MAN2C1: variants seen among roughly 807,000 people sequenced by gnomAD.
The protein encoded by MAN2C1 is mannosidase alpha class 2C member 1, also known as alpha-mannosidase 2C1.
In MAN2C1, 111 loss-of-function variants were observed where a neutral mutation model predicts 126.9. The ratio of observed to expected loss-of-function variants is 0.87; its 90% CI spans 0.75 to 1.02. The LOEUF (loss-of-function observed/expected upper bound fraction) is 1.02, where lower values mean the gene tolerates loss of function less well. Ranked by LOEUF, MAN2C1 falls within the 50% of genes least tolerant of loss-of-function variation. The pLI, the probability that MAN2C1 is intolerant of heterozygous loss-of-function variation, is 0.00. For missense variants in MAN2C1, 1,363 were observed against 1,364.4 expected (o/e 1.00, Z 0.02); for synonymous variants, 567 against 561.5 (o/e 1.01, Z -0.14).
In MAN2C1 at chr15:75,359,779, A is replaced by T. The variant is rs763135456; in HGVS notation, c.1793-4T>A. The T allele has an allele frequency of 1.9e-6, 3 of 1,613,718 alleles. No individual in the cohort carries two copies. The highest frequency in any genetic ancestry group is 2.5e-6 in the Non-Finnish European group (3 of 1,179,960). On this transcript the variant is annotated splice_polypyrimidine_tract_variant and splice_region_variant and intron_variant, in intron 15 of 25. Coordinates refer to ENST00000267978, the MANE Select transcript of MAN2C1 (RefSeq NM_006715.4). ...GTATTGCCATGGGAACGGATGTCTG[A>T]GGAAAGACTGGCTGGTCATAGGTGG...
At position 75,359,390 on chromosome 15, in the gene MAN2C1, C is replaced by G. The variant is rs1193020791; in HGVS notation, c.1984G>C (p.Val662Leu). Reference protein sequence around the residue: ...VTVPSMGYAPVPPPTSLQPLL... With the variant: ...VTVPSMGYAPLPPPTSLQPLL... ...GGCTGCAGTGAGGTGGGGGGAGGAA[C>G]AGGAGCATAGCCCATGCTGGGCACT... is the stretch of plus-strand genomic sequence containing the variant. The change falls in exon 17 of 26, where the codon GTT (valine) becomes CTT (leucine). Residue 662 changes from valine to leucine, a missense_variant. By Grantham distance (32) the Val-to-Leu change is conservative. Transcript: ENST00000267978. The G allele has an allele frequency of 6.2e-7, 1 of 1,609,464 alleles. No homozygotes were observed. The highest frequency in any genetic ancestry group is 1.7e-5 in the Admixed American group (1 of 59,672).
At position 75,360,974 on chromosome 15, in the gene MAN2C1, T is replaced by C. The variant is rs2072454946; in HGVS notation, c.1460+72A>G. 2.6e-6 allele frequency: 4 copies of C among 1,528,410 alleles called. No homozygotes were observed. In the East Asian group the frequency reaches 9.6e-5, roughly 37 times the overall value. 94.7% of individuals were successfully genotyped at this position (1,528,410 alleles called of 1,614,324 possible). ...GGTCCAGAGGAGGGGTTGGGCCCAA[T>C]GTCTGAGGGAAGGCAGGGCTCATGG... On this transcript the variant is annotated intron_variant, in intron 12 of 25. Coordinates refer to ENST00000267978, the MANE Select transcript of MAN2C1 (RefSeq NM_006715.4).
At chr15:75,359,820 T>C (rs2072429961) in intron 15 of MAN2C1, 45 bp from the exon 16 acceptor site, 3 of 1,613,074 alleles carry the variant, frequency 1.9e-6, no homozygotes, top group African/African-American at 1.3e-5. Context: ...AGGTCTGGAA[T>C]GTGCCCATGG....
rs1361429756 is a variant in MAN2C1, at chr15:75,358,071, T to C, written c.2547+130A>G. 3 of 1,155,026 alleles carry C rather than the reference T, an allele frequency of 2.6e-6. No homozygotes were observed. The African/African-American group carries it at 4.6e-5, about 18-fold the overall frequency. 71.5% of individuals were successfully genotyped at this position (1,155,026 alleles called of 1,614,324 possible). ...TGCCTTGCCAATGTAAAGCATTTAG[T>C]GCAATGCCTGGCACACACGTTAGGA... On this transcript the variant is annotated intron_variant, in intron 21 of 25. Transcript: ENST00000267978.
At chr15:75,364,753 T>A in intron 4 of MAN2C1, 88 bp from the exon 5 acceptor site, 3 of 1,226,464 alleles carry the variant, frequency 2.4e-6, no homozygotes, top group Non-Finnish European at 3.3e-6. Context: ...GGCATCCAGC[T>A]GAGCCCAACC....
chr15:75,368,404 C>T (rs560141376), intron 1 of MAN2C1, 79 bp downstream of exon 1: 2 of 1,469,878 alleles, frequency 1.4e-6, no homozygotes, highest in South Asian at 2.5e-5. Flanking sequence ...CGGGTGGCTG[C>T]AGCTTAGGTT....
chr15:75,360,094 A>T lies in MAN2C1; in HGVS notation c.1702T>A (p.Trp568Arg). 6.2e-7 allele frequency: 1 copy of T among 1,614,036 alleles called. No homozygotes were observed. Among genetic ancestry groups the T allele is most frequent in the Non-Finnish European group, 8.5e-7 (1 of 1,180,006 alleles). ...CAGGGACAGAACTGGGCTGACCTCCAGAGGTGCTGCAGCTGGGCTGCTGGG... is the reference window on the plus strand; with the variant it reads ...CAGGGACAGAACTGGGCTGACCTCCTGAGGTGCTGCAGCTGGGCTGCTGGG... ...LYPAAQLQHL[W>R]RLLLLNQFHD... is the part of the protein sequence containing the mutation. Residue 568 changes from tryptophan to arginine, a missense_variant, in exon 14 of 26, where the codon TGG becomes AGG. Physicochemically the swap from Trp to Arg is moderately radical, Grantham distance 101. Transcript: ENST00000267978.
At position 75,362,608 on chromosome 15, in the gene MAN2C1, T is replaced by C. The variant is rs1164323204; in HGVS notation, c.897+34A>G. On this transcript the variant is annotated intron_variant, in intron 7 of 25. Coordinates refer to ENST00000267978, the MANE Select transcript of MAN2C1 (RefSeq NM_006715.4). The surrounding 1 kb of genome is among the most constrained non-coding windows in gnomAD (Gnocchi z 4.5). ...CTGTGGAGCTCCAGGGAGGGCCACG[T>C]GCTTCCCTCCTCCCTCACAGCTGTC... is the stretch of plus-strand genomic sequence containing the variant. The C allele has an allele frequency of 6.2e-7, 1 of 1,601,666 alleles. No homozygotes were observed. Among genetic ancestry groups the C allele is most frequent in the Admixed American group, 1.7e-5 (1 of 59,892 alleles).
chr15:75,357,204 C>G (rs1293165150), intron 21 of MAN2C1: 1 of 311,508 alleles, frequency 3.2e-6, no homozygotes, highest in African/African-American at 2.2e-5. Flanking sequence ...AGTGCAGTGG[C>G]TTGATCTCGG....
intron 3 of MAN2C1, 24 bp from the exon 4 acceptor site, chr15:75,366,616 G>A: frequency 3.2e-6 from 5 of 1,574,286 alleles, no homozygotes; most frequent in South Asian, 1.1e-5. Context: ...GAGTGAGAGA[G>A]ACAAGGCTTG....
In MAN2C1 at chr15:75,361,588, C is replaced by G. The variant is rs1223293629; in HGVS notation, c.1218+16G>C. 45 of 1,602,366 alleles carry G rather than the reference C, an allele frequency of 2.8e-5. No individual in the cohort carries two copies. The highest frequency in any genetic ancestry group is 3.4e-5 in the Non-Finnish European group (40 of 1,169,656). On this transcript the variant is annotated intron_variant, in intron 10 of 25. Transcript: ENST00000267978. The surrounding 1 kb of genome is among the most constrained non-coding windows in gnomAD (Gnocchi z 5.0). ...TGAGGCCCACTCTGACCCTGACCCC[C>G]CGGGGGCCTGCTTACTGGGAAGGAG... is the stretch of plus-strand genomic sequence containing the variant.
rs775671086 is a variant in MAN2C1 at position 75,360,172 on chromosome 15, C to T, written c.1624G>A (p.Asp542Asn). The change falls in exon 14 of 26, where the codon GAC (aspartate) becomes AAC (asparagine). Residue 542 changes from aspartate (D) to asparagine (N), a missense_variant. By Grantham distance (23) the Asp-to-Asn change is conservative (BLOSUM62 1). This residue lies in a region of MAN2C1 where 67 missense variants were observed against 104.5 expected (regional missense o/e 0.64). Coordinates refer to ENST00000267978, the MANE Select transcript of MAN2C1 (RefSeq NM_006715.4). ...GNRECERILH[D>N]VELLSSLALA... Reference sequence around the variant, plus strand: ...GCCAGGCTACTGAGCAGCTCCACGTCGTGCAGGATCCGCTCACATTCCCGG... The same window carrying T: ...GCCAGGCTACTGAGCAGCTCCACGTTGTGCAGGATCCGCTCACATTCCCGG... The T allele has an allele frequency of 1.4e-5, 22 of 1,612,764 alleles. No homozygotes were observed. Among genetic ancestry groups the T allele is most frequent in the Middle Eastern group, 1.6e-4 (1 of 6,084 alleles).
Position 75,368,468 on chromosome 15 carries a change from G to C in MAN2C1, c.101+15C>G, listed in dbSNP as rs1308682328. The C allele has an allele frequency of 6.5e-7, 1 of 1,546,166 alleles. No individual in the cohort carries two copies. The highest frequency in any genetic ancestry group is 1.4e-5 in the African/African-American group (1 of 73,114). The stretch of plus-strand genomic sequence containing the variant: ...CGGTTGCGGTCGGCCGGCTGCGGGG[G>C]ACCAGGGGCCACACCTGCCGCGGAG... On this transcript the variant is annotated intron_variant, in intron 1 of 25. Coordinates refer to ENST00000267978, the MANE Select transcript of MAN2C1 (RefSeq NM_006715.4).
rs1320366124 is a variant in MAN2C1 at position 75,359,702 on chromosome 15, C to G, written c.1866G>C (p.Glu622Asp). The G allele has an allele frequency of 5.6e-6, 9 of 1,614,162 alleles. No homozygotes were observed. The East Asian group carries it at 1.8e-4, about 32-fold the overall frequency. Residue 622 changes from glutamate to aspartate, a missense_variant, in exon 16 of 26, where the codon GAG (glutamate) becomes GAC (aspartate). Around this residue, in one of 3 missense-constraint regions of MAN2C1, gnomAD observed 668 missense variants for 650.1 expected, o/e 1.03. Coordinates refer to ENST00000267978, the MANE Select transcript of MAN2C1 (RefSeq NM_006715.4). ...GCAGTGTGTTGACGATGAGGAGGCC[C>G]TCAGGACCTGGCTCCCCAGCACACA... ...AALCAGEPGP[E>D]GLLIVNTLPW...
chr15:75,363,336 T>G (rs1466577697), intron 6 of MAN2C1: 2 of 455,952 alleles, frequency 4.4e-6, no homozygotes, highest in Non-Finnish European at 8.8e-6. Context: ...CACTGCAAAC[T>G]TGTCCAGGAA....
Position 75,368,506 on chromosome 15 carries a change from A to G in MAN2C1, c.78T>C (p.Phe26=), listed in dbSNP as rs754177470. The G allele has an allele frequency of 6.4e-7, 1 of 1,555,174 alleles. No individual in the cohort carries two copies. The highest frequency in any genetic ancestry group is 1.4e-5 in the African/African-American group (1 of 73,448). Residue 26 remains phenylalanine (F), a synonymous_variant, in exon 1 of 26, where the codon TTT becomes TTC. Coordinates refer to ENST00000267978, the MANE Select transcript of MAN2C1 (RefSeq NM_006715.4). ...ACCTGCCGCGGAGGTTACAGTCGGT[A>G]AAGTAGAGCGGCGACACGAACTTCT... The part of the protein sequence containing the change: ...RVEKFVSPLY[F]TDCNLRGRLF...
At position 75,367,598 on chromosome 15, in the gene MAN2C1, G is replaced by C; in HGVS notation, c.264C>G (p.Ile88Met). 11 of 1,614,194 alleles carry C rather than the reference G, an allele frequency of 6.8e-6. No individual in the cohort carries two copies. Among genetic ancestry groups the C allele is most frequent in the Non-Finnish European group, 9.3e-6 (11 of 1,180,028 alleles). ...CTTCCTGGCCCACCCATGCCTCTGG[G>C]ATGGTCAGCTCCACCCGGAACCAGC... Reference protein sequence around the residue: ...WTCWFRVELTIPEAWVGQEVH... With the variant: ...WTCWFRVELTMPEAWVGQEVH... Residue 88 changes from isoleucine to methionine, a missense_variant, in exon 3 of 26, where the codon ATC becomes ATG. Ile to Met is a conservative substitution (Grantham distance 10, BLOSUM62 1). Transcript: ENST00000267978.
Position 75,364,503 on chromosome 15 carries a change from C to G in MAN2C1, c.585G>C (p.Leu195=). The change falls in exon 5 of 26, where the codon CTG becomes CTC. Residue 195 remains leucine, a synonymous_variant. Transcript: ENST00000267978. ...VHMLLVDLEL[L]LGIAKGLGKD... is the part of the protein sequence containing the mutation. ...TGTCAAGTACCTTGGCTATGCCCAG[C>G]AGCAGCTCCAGATCCACCAGGAGCA... 1 of 1,594,744 alleles carries G rather than the reference C, an allele frequency of 6.3e-7. No individual in the cohort carries two copies. Among genetic ancestry groups the G allele is most frequent in the Non-Finnish European group, 8.5e-7 (1 of 1,170,404 alleles).
rs74416976 is a variant in MAN2C1 at position 75,364,636 on chromosome 15, T to C, written c.452A>G (p.Asn151Ser). 2.2e-4 allele frequency: 354 copies of C among 1,613,074 alleles called. No individual in the cohort carries two copies. In the African/African-American group the frequency reaches 3.6e-3, roughly 16 times the overall value. Reference protein sequence around the residue: ...SLTLYVEVACNGLLGAGKGSM... With the variant: ...SLTLYVEVACSGLLGAGKGSM... ...TCCCTTCCCGGCCCCCAGGAGCCCA[T>C]TGCAGGCTACTTCCACATAGAGAGT... is the stretch of plus-strand genomic sequence containing the variant. Residue 151 changes from asparagine (N) to serine (S), a missense_variant, in exon 5 of 26, where the codon AAT becomes AGT. Asn to Ser is a conservative substitution (Grantham distance 46). This residue lies in a region of MAN2C1 where 628 missense variants were observed against 609.8 expected (regional missense o/e 1.03). Transcript: ENST00000267978.
Sources: allele counts gnomAD v4.1 joint callset, GRCh38; gene constraint gnomAD v4.1.1; regional missense constraint gnomAD v4.1.1; non-coding constraint Gnocchi (gnomAD v3.1); transcripts MANE v1.5; gene names NCBI Gene and HGNC (gene_info 2026-07-23, HGNC 2026-07-21).